IQCH: variants seen among roughly 807,000 people sequenced by gnomAD.
IQCH encodes IQ domain-containing protein H.
In IQCH, 98 loss-of-function variants were observed where a neutral mutation model predicts 117.0. That is an observed-to-expected ratio of 0.84 (90% confidence interval 0.71 to 0.99). The LOEUF (loss-of-function observed/expected upper bound fraction) is 0.99, where lower values mean the gene tolerates loss of function less well. Among genes scored for constraint, IQCH ranks in the 50% least tolerant of loss-of-function variants. IQCH has a pLI of 0.00. For synonymous variants in IQCH, 412 were observed against 448.2 expected, an observed-to-expected ratio of 0.92 and a Z score of 1.02; for missense variants, 1,102 against 1,243.8, an observed-to-expected ratio of 0.89 and a Z score of 1.72.
chr15:67,482,050 C>T (rs1490791357), intron 18 of IQCH, among the ~76,000 whole-genome samples: 3 of 152,172 alleles, frequency 2.0e-5, no homozygotes, highest in Admixed American at 1.3e-4. Flanking sequence ...ATGGCAAGAT[C>T]CCATCTCTTA....
At chr15:67,371,660 C>T (rs1033757213) in intron 8 of IQCH, 3 of 597,518 alleles carry the variant, frequency 5.0e-6, no homozygotes, top group Non-Finnish European at 8.8e-6. Flanking sequence ...TTTTAACGGG[C>T]ACATTTGAAG....
chr15:67,322,043 T>G (rs1968160725), intron 4 of IQCH, among the ~76,000 whole-genome samples: 1 of 152,238 alleles, frequency 6.6e-6, no homozygotes, highest in Non-Finnish European at 1.5e-5. Flanking sequence ...TACCAATTAC[T>G]GAGAAGAGGC....
chr15:67,322,263 C>G (rs955725117), intron 4 of IQCH, among the ~76,000 whole-genome samples: 4 of 152,094 alleles, frequency 2.6e-5, no homozygotes, highest in Admixed American at 2.6e-4. Flanking sequence ...TCTCATAGTT[C>G]TTTTTGTCTT....
chr15:67,457,631 T>G lies in IQCH; in HGVS notation c.2506-7496T>G, dbSNP rs993983352. On this transcript the variant is annotated intron_variant, in intron 16 of 20. Coordinates refer to ENST00000335894, the MANE Select transcript of IQCH (RefSeq NM_001031715.3). The surrounding 1 kb of genome is among the most constrained non-coding windows in gnomAD (Gnocchi z 5.7). Reference sequence around the variant, plus strand: ...TGTAGTAATAGTCTCACACACTATCTCATTTAGCCACTGAATCCACACATA... The same window carrying G: ...TGTAGTAATAGTCTCACACACTATCGCATTTAGCCACTGAATCCACACATA... Among the ~76,000 whole-genome samples the G allele has an allele frequency of 1.3e-5, 2 of 152,172 alleles. No individual in the cohort carries two copies. The highest frequency in any genetic ancestry group is 2.9e-5 in the Non-Finnish European group (2 of 68,038).
At position 67,432,054 on chromosome 15, in the gene IQCH, A is replaced by T. The variant is rs2414952; in HGVS notation, c.2505+10477A>T. 0.23 allele frequency among the ~76,000 whole-genome samples: 34,258 copies of T among 152,116 alleles called. 4,871 individuals carry two copies. The highest frequency in any genetic ancestry group is 0.51 in the East Asian group (2,609 of 5,158). Reference sequence around the variant, plus strand: ...GACCCTGTCTCAAAAATAAATAAATAAATTAACTCTTATTTTAGATAATTG... The same window carrying T: ...GACCCTGTCTCAAAAATAAATAAATTAATTAACTCTTATTTTAGATAATTG... On this transcript the variant is annotated intron_variant, in intron 16 of 20. Transcript: ENST00000335894. The surrounding 1 kb of genome is among the most constrained non-coding windows in gnomAD (Gnocchi z 5.0).
intron 4 of IQCH, among the ~76,000 whole-genome samples, chr15:67,321,994 A>C (rs986973157): frequency 6.6e-6 from 1 of 152,220 alleles, no homozygotes; most frequent in Non-Finnish European, 1.5e-5. Flanking sequence ...GCGGATGATG[A>C]TTTTCAGCAC....
rs530215158 is a variant in IQCH, at chr15:67,416,268, A to G, written c.2098-663A>G. ...CACAGTGGCTCATGCCTGTAATCCC[A>G]GCACTTTGGGAGGCCGAGGCGGGCG... On this transcript the variant is annotated intron_variant, in intron 14 of 20. Transcript: ENST00000335894. This position sits in a 1 kb window ranked among gnomAD's most constrained non-coding sequence, Gnocchi z 5.1. Among the ~76,000 whole-genome samples, 5 of 152,274 alleles carry G rather than the reference A, an allele frequency of 3.3e-5. No homozygotes were observed. In the South Asian group the frequency reaches 1.0e-3, roughly 32 times the overall value.
chr15:67,346,113 C>G (rs1017542173), intron 6 of IQCH, among the ~76,000 whole-genome samples: 2 of 151,956 alleles, frequency 1.3e-5, no homozygotes, highest in African/African-American at 4.8e-5. Flanking sequence ...TGGAATGGCT[C>G]TATTACTATC....
chr15:67,337,632 A>G (rs913994816), intron 5 of IQCH, among the ~76,000 whole-genome samples: 1 of 152,200 alleles, frequency 6.6e-6, no homozygotes, highest in African/African-American at 2.4e-5. Flanking sequence ...CATTTTGTAG[A>G]TACTAAGTGT....
At chr15:67,334,987 A>G (rs1968828366) in intron 4 of IQCH, among the ~76,000 whole-genome samples, 1 of 152,142 alleles carries the variant, frequency 6.6e-6, no homozygotes, top group South Asian at 2.1e-4. Context: ...GATGTTTCCT[A>G]TCCAGTGACA....
intron 16 of IQCH, among the ~76,000 whole-genome samples, chr15:67,441,648 T>C (rs1471915626): frequency 6.6e-6 from 1 of 152,152 alleles, no homozygotes; most frequent in Non-Finnish European, 1.5e-5. Flanking sequence ...ATGACACCCT[T>C]TTCAACAAAT....
At position 67,370,228 on chromosome 15, in the gene IQCH, G is replaced by A. The variant is rs1194041497; in HGVS notation, c.754-1883G>A. Among the ~76,000 whole-genome samples, 7 of 152,216 alleles carry A rather than the reference G, an allele frequency of 4.6e-5. No individual in the cohort carries two copies. The highest frequency in any genetic ancestry group is 3.9e-4 in the East Asian group (2 of 5,178). Reference sequence around the variant, plus strand: ...AGATGGTCCTAATTCCACATGTCTCGCTGTGAAGATAAGAAGTTTCAGAAT... The same window carrying A: ...AGATGGTCCTAATTCCACATGTCTCACTGTGAAGATAAGAAGTTTCAGAAT... On this transcript the variant is annotated intron_variant, in intron 8 of 20. Coordinates refer to ENST00000335894, the MANE Select transcript of IQCH (RefSeq NM_001031715.3). The surrounding 1 kb of genome is among the most constrained non-coding windows in gnomAD (Gnocchi z 5.6).
At chr15:67,292,843 C>T (rs952958095) in intron 4 of IQCH, among the ~76,000 whole-genome samples, 5 of 152,088 alleles carry the variant, frequency 3.3e-5, no homozygotes, top group Admixed American at 3.3e-4. Context: ...TTTAGATTGC[C>T]CCAGTTATTC....
intron 10 of IQCH, chr15:67,373,692 G>A (rs1244481640): frequency 3.5e-6 from 2 of 565,128 alleles, no homozygotes; most frequent in East Asian, 3.0e-5. Context: ...TCATCTGTAT[G>A]AAATGAACTA....
At chr15:67,302,302 T>C (rs945608512) in intron 4 of IQCH, among the ~76,000 whole-genome samples, 4 of 152,188 alleles carry the variant, frequency 2.6e-5, no homozygotes, top group African/African-American at 9.6e-5. Flanking sequence ...ATAGAAATTA[T>C]TCTGAAAGTT....
intron 17 of IQCH, among the ~76,000 whole-genome samples, chr15:67,468,967 C>G (rs553528643): frequency 4.4e-4 from 67 of 152,298 alleles, no homozygotes; most frequent in Middle Eastern, 3.4e-3. Context: ...AGTGCTGGAG[C>G]TCAGAACTAA....
rs1458459469 is a variant in IQCH, at chr15:67,459,174, T to C, written c.2506-5953T>C. On this transcript the variant is annotated intron_variant, in intron 16 of 20. Coordinates refer to ENST00000335894, the MANE Select transcript of IQCH (RefSeq NM_001031715.3). This position sits in a 1 kb window ranked among gnomAD's most constrained non-coding sequence, Gnocchi z 4.2. The stretch of plus-strand genomic sequence containing the variant: ...CCTTTAGTGGGTCATTTATCCTGTC[T>C]GAAATCTCTGGTTCTTCTTACAAAA... Among the ~76,000 whole-genome samples the C allele has an allele frequency of 6.6e-6, 1 of 152,198 alleles. No homozygotes were observed. The highest frequency in any genetic ancestry group is 2.4e-5 in the African/African-American group (1 of 41,448).
At chr15:67,419,931 C>T (rs2081686305) in intron 15 of IQCH, among the ~76,000 whole-genome samples, 1 of 152,192 alleles carries the variant, frequency 6.6e-6, no homozygotes, top group Non-Finnish European at 1.5e-5. Context: ...TGTGTTTCCA[C>T]TGAAGCACTA....
At chr15:67,283,986 T>A (rs1364941324) in intron 4 of IQCH, among the ~76,000 whole-genome samples, 1 of 152,224 alleles carries the variant, frequency 6.6e-6, no homozygotes, top group Non-Finnish European at 1.5e-5. Context: ...TGCATGATAA[T>A]CACATCAGGG....
Sources: allele counts gnomAD v4.1 joint callset (sites outside exome capture counted in the v4.1 genomes callset), GRCh38; gene constraint gnomAD v4.1.1; non-coding constraint Gnocchi (gnomAD v3.1); transcripts MANE v1.5; gene names NCBI Gene and HGNC (gene_info 2026-07-23, HGNC 2026-07-21).